Variants in MEIS1 observed in about 807,000 individuals in gnomAD.
MEIS1 encodes Meis homeobox 1.
In MEIS1, 5 loss-of-function variants were observed where a neutral mutation model predicts 50.8. The ratio of observed to expected loss-of-function variants is 0.10; its 90% CI spans 0.05 to 0.21. MEIS1 has a LOEUF of 0.21. Among genes scored for constraint, MEIS1 ranks in the 10% least tolerant of loss-of-function variants. MEIS1 has a pLI of 1.00. For missense variants in MEIS1, 318 were observed against 517.3 expected (o/e 0.61, Z 3.74); for synonymous variants, 176 against 179.3 (o/e 0.98, Z 0.15).
chr2:66,521,428 A>G (rs976304811), intron 8 of MEIS1, among the ~76,000 whole-genome samples: 3 of 151,388 alleles, frequency 2.0e-5, no homozygotes, highest in Admixed American at 6.6e-5. Context: ...CTTTATGGAG[A>G]TAGAGGAAAC....
intron 8 of MEIS1, among the ~76,000 whole-genome samples, chr2:66,541,489 G>A (rs1413563678): frequency 6.6e-6 from 1 of 152,120 alleles, no homozygotes; most frequent in Non-Finnish European, 1.5e-5. Context: ...ATTTTCATGT[G>A]CTAAGGTTAC....
chr2:66,448,870 G>T (rs1469669758), intron 6 of MEIS1, among the ~76,000 whole-genome samples: 1 of 152,138 alleles, frequency 6.6e-6, no homozygotes, highest in East Asian at 1.9e-4. Flanking sequence ...CAGGGAAATA[G>T]TTGAAGGATA....
intron 8 of MEIS1, among the ~76,000 whole-genome samples, chr2:66,525,119 A>G (rs4233937): frequency 0.61 from 92,829 of 151,920 alleles, 28,772 homozygotes; most frequent in East Asian, 0.81. Context: ...AGGCTAAGGC[A>G]GGAAAATCGC....
intron 7 of MEIS1, among the ~76,000 whole-genome samples, chr2:66,506,763 C>T (rs1400594983): frequency 6.6e-6 from 1 of 152,120 alleles, no homozygotes; most frequent in Admixed American, 6.5e-5. Flanking sequence ...GCCATATATC[C>T]TCTTAACATA....
At chr2:66,530,244 T>C (rs1448299033) in intron 8 of MEIS1, among the ~76,000 whole-genome samples, 2 of 150,768 alleles carry the variant, frequency 1.3e-5, no homozygotes, top group Non-Finnish European at 3.0e-5. Flanking sequence ...TTTCAGAGTG[T>C]AGTTGAGAAT....
chr2:66,478,176 AT>A (rs1470394933), intron 7 of MEIS1, among the ~76,000 whole-genome samples: 6 of 152,218 alleles, frequency 3.9e-5, no homozygotes, highest in South Asian at 2.1e-4. Context: ...CTTTGTTTCC[AT>A]TTTTCCTGAT....
At chr2:66,543,691 C>T (rs1298750515) in intron 8 of MEIS1, among the ~76,000 whole-genome samples, 1 of 152,210 alleles carries the variant, frequency 6.6e-6, no homozygotes, top group Non-Finnish European at 1.5e-5. Context: ...CCCTCTCAAT[C>T]GTTAATTCTT....
rs79927937 is a variant in MEIS1 at position 66,449,676 on chromosome 2, G to A, written c.630+6628G>A. On this transcript the variant is annotated intron_variant, in intron 6 of 12. Transcript: ENST00000272369. ...TGAGAATATATTCACTAAAATATTTGTCACTAGAATCCAATTATGATCAAT... is the reference window on the plus strand; with the variant it reads ...TGAGAATATATTCACTAAAATATTTATCACTAGAATCCAATTATGATCAAT... Among the ~76,000 whole-genome samples, 1,204 of 152,212 alleles carry A rather than the reference G, an allele frequency of 7.9e-3. 24 individuals carry two copies. Among genetic ancestry groups the A allele is most frequent in the African/African-American group, 0.028 (1,175 of 41,554 alleles).
At chr2:66,511,580 C>G (rs955099275) in intron 7 of MEIS1, among the ~76,000 whole-genome samples, 1 of 152,106 alleles carries the variant, frequency 6.6e-6, no homozygotes, top group African/African-American at 2.4e-5. Flanking sequence ...AAACTTGATG[C>G]TTTCTCTCTA....
intron 8 of MEIS1, among the ~76,000 whole-genome samples, chr2:66,541,558 T>C (rs1460020584): frequency 2.0e-5 from 3 of 152,208 alleles, no homozygotes; most frequent in African/African-American, 7.2e-5. Flanking sequence ...CTGTTGGATA[T>C]ACAGAAATCA....
chr2:66,515,861 A>G (rs185068292), intron 8 of MEIS1, among the ~76,000 whole-genome samples: 465 of 152,338 alleles, frequency 3.1e-3, no homozygotes, highest in Admixed American at 6.8e-3. Flanking sequence ...ATTGCAAACA[A>G]TTAAAACGTG....
intron 9 of MEIS1, among the ~76,000 whole-genome samples, chr2:66,556,150 CCTGT>C (rs1354521879): frequency 1.3e-5 from 2 of 151,998 alleles, no homozygotes; most frequent in African/African-American, 2.4e-5. Flanking sequence ...TTAATATTTT[CCTGT>C]CTATTTTATT....
At chr2:66,485,341 G>T (rs1673116979) in intron 7 of MEIS1, among the ~76,000 whole-genome samples, 1 of 152,100 alleles carries the variant, frequency 6.6e-6, no homozygotes. Flanking sequence ...ACTTATGAGT[G>T]AGAACATGTG....
intron 12 of MEIS1, chr2:66,571,036 C>CCT (rs1675474343): frequency 1.8e-6 from 1 of 547,068 alleles, no homozygotes; most frequent in Non-Finnish European, 3.1e-6. Flanking sequence ...ATAACAGTGA[C>CCT]AATGAAAGGA....
At chr2:66,522,474 A>G (rs1307978852) in intron 8 of MEIS1, among the ~76,000 whole-genome samples, 7 of 152,202 alleles carry the variant, frequency 4.6e-5, no homozygotes, top group South Asian at 2.1e-4. Context: ...GTTGCCAACA[A>G]TGTATTTGAT....
chr2:66,476,651 C>G (rs1013030144), intron 7 of MEIS1, among the ~76,000 whole-genome samples: 9 of 152,148 alleles, frequency 5.9e-5, no homozygotes, highest in African/African-American at 2.2e-4. Context: ...ACCTGCCTGG[C>G]ATCGGATGGG....
At chr2:66,468,645 T>A (rs1672696775) in intron 7 of MEIS1, among the ~76,000 whole-genome samples, 1 of 152,162 alleles carries the variant, frequency 6.6e-6, no homozygotes, top group Non-Finnish European at 1.5e-5. Flanking sequence ...GACATCCTAT[T>A]TGATACACTG....
intron 7 of MEIS1, among the ~76,000 whole-genome samples, chr2:66,476,018 G>A (rs544040323): frequency 1.3e-5 from 2 of 152,184 alleles, no homozygotes; most frequent in South Asian, 2.1e-4. Context: ...TGGTGGGTTC[G>A]CCTCATTCTC....
intron 7 of MEIS1, among the ~76,000 whole-genome samples, chr2:66,495,314 CAA>C (rs1477739176): frequency 1.3e-5 from 2 of 152,058 alleles, no homozygotes; most frequent in African/African-American, 4.8e-5. Context: ...CGTCTTTTGA[CAA>C]GAGAGAAGAC....
Sources: gnomAD v4.1 joint callset for allele counts (sites outside exome capture counted in the v4.1 genomes callset) on GRCh38, gnomAD v4.1.1 for gene constraint, MANE v1.5 for transcripts, NCBI Gene and HGNC (gene_info 2026-07-23, HGNC 2026-07-21) for gene names.